AOPEP: variants seen among roughly 807,000 people sequenced by gnomAD.
AOPEP encodes the protein aminopeptidase O (putative).
A neutral mutation model predicts 98.1 loss-of-function variants in AOPEP; 77 were observed. The ratio of observed to expected loss-of-function variants is 0.78; its 90% confidence interval spans 0.65 to 0.95. The LOEUF (loss-of-function observed/expected upper bound fraction) is 0.95, where lower values mean the gene tolerates loss of function less well. AOPEP is among the 40% of genes least tolerant of loss of function. The pLI is 0.00. For missense variants in AOPEP, 1,024 were observed against 1,024.7 expected (o/e 1.00, Z 0.01); for synonymous variants, 346 against 365.3 (o/e 0.95, Z 0.60).
At chr9:95,106,725 T>C in the AOPEP span, among the ~76,000 whole-genome samples, 59 of 152,348 alleles carry the variant, frequency 3.9e-4, no homozygotes, top group African/African-American at 1.4e-3. Context: ...GTGGCCTTAC[T>C]TCTTTCCATG....
chr9:95,110,572 T>G, the AOPEP span: 4 of 1,034,246 alleles, frequency 3.9e-6, no homozygotes, highest in East Asian at 2.4e-4. Flanking sequence ...TTTCAACTTT[T>G]TAAAATCTAA....
At chr9:94,971,762 A>G (rs2059550614) in intron 10 of AOPEP, among the ~76,000 whole-genome samples, 1 of 152,204 alleles carries the variant, frequency 6.6e-6, no homozygotes, top group Non-Finnish European at 1.5e-5. Context: ...TGGGGAACCT[A>G]GAGGAATAAA....
chr9:94,890,211 GTT>G, intron 5 of AOPEP, among the ~76,000 whole-genome samples: 1 of 145,080 alleles, frequency 6.9e-6, no homozygotes, highest in African/African-American at 2.5e-5. Context: ...TGGTTTTTTT[GTT>G]TTTTTTTGAA....
intron 11 of AOPEP, among the ~76,000 whole-genome samples, chr9:94,998,683 G>A (rs12555829): frequency 0.049 from 7,520 of 152,252 alleles, 316 homozygotes; most frequent in African/African-American, 0.11. Context: ...GTATTACTGC[G>A]TTGTCACAGG....
chr9:94,748,810 A>C (rs1234492722), intron 1 of AOPEP, among the ~76,000 whole-genome samples: 1 of 152,180 alleles, frequency 6.6e-6, no homozygotes, highest in East Asian at 1.9e-4. Context: ...GCTTACACTG[A>C]AGTTTCAGGA....
At chr9:95,096,460 G>A in the AOPEP span, among the ~76,000 whole-genome samples, 2 of 152,138 alleles carry the variant, frequency 1.3e-5, no homozygotes, top group African/African-American at 4.8e-5. Context: ...GAGCAGGTGG[G>A]CCCACCTGGG....
downstream of AOPEP, among the ~76,000 whole-genome samples, chr9:95,091,155 T>G (rs1405257338): frequency 6.6e-6 from 1 of 152,198 alleles, no homozygotes; most frequent in East Asian, 1.9e-4. Flanking sequence ...ACAGTTTGTT[T>G]AGAGTTTCAA....
chr9:95,006,505 C>A (rs1482385512), intron 13 of AOPEP, among the ~76,000 whole-genome samples: 8 of 152,084 alleles, frequency 5.3e-5, no homozygotes, highest in Non-Finnish European at 8.8e-5. Flanking sequence ...AGAATGTGCA[C>A]AAAGCACATC....
intron 7 of AOPEP, among the ~76,000 whole-genome samples, chr9:94,934,261 T>C: frequency 7.3e-6 from 1 of 137,052 alleles, no homozygotes; most frequent in Non-Finnish European, 1.6e-5. Context: ...CCACCCTCCC[T>C]CCCTTCCCTC....
chr9:94,958,747 G>C (rs1355320072), intron 9 of AOPEP, among the ~76,000 whole-genome samples: 2 of 152,104 alleles, frequency 1.3e-5, no homozygotes, highest in African/African-American at 2.4e-5. Context: ...TTATTATTGA[G>C]TTTTAAGACT....
At chr9:95,037,307 A>G (rs1355868290) in intron 13 of AOPEP, among the ~76,000 whole-genome samples, 1 of 152,028 alleles carries the variant, frequency 6.6e-6, no homozygotes. Context: ...GTCATTCTTT[A>G]TTTCAGCCAG....
chr9:95,008,869 C>G (rs1484089137), intron 13 of AOPEP, among the ~76,000 whole-genome samples: 1 of 152,000 alleles, frequency 6.6e-6, no homozygotes, highest in Non-Finnish European at 1.5e-5. Context: ...ATATTTTAGC[C>G]CTTGTTCTCC....
rs917195197 is a variant in AOPEP, at chr9:94,832,082, A to G, written c.1364+31080A>G. On this transcript the variant is annotated intron_variant, in intron 5 of 16. Transcript: ENST00000375315. ...ACTTCTGGTTTTAAAACCCAGAACC[A>G]ATAGAAGGAAAGATTGATATATTAG... Among the ~76,000 whole-genome samples, 5 of 152,310 alleles carry G rather than the reference A, an allele frequency of 3.3e-5. No homozygotes were observed. The South Asian group carries it at 8.3e-4, about 25-fold the overall frequency.
intron 5 of AOPEP, among the ~76,000 whole-genome samples, chr9:94,903,421 G>A (rs2050689964): frequency 6.6e-6 from 1 of 152,008 alleles, no homozygotes; most frequent in Non-Finnish European, 1.5e-5. Context: ...TGTGATAGCA[G>A]GTGTCATCCT....
intron 11 of AOPEP, among the ~76,000 whole-genome samples, chr9:94,981,527 GC>G (rs1353063327): frequency 6.6e-6 from 1 of 152,160 alleles, no homozygotes; most frequent in Non-Finnish European, 1.5e-5. Flanking sequence ...TGGTGTCTTT[GC>G]GTCTCTTCTA....
chr9:94,749,135 A>T (rs1835139022), intron 1 of AOPEP, among the ~76,000 whole-genome samples: 1 of 152,238 alleles, frequency 6.6e-6, no homozygotes, highest in African/African-American at 2.4e-5. Context: ...AAATTTATTT[A>T]TTCAATTTAA....
At chr9:94,771,261 T>A (rs908808468) in intron 2 of AOPEP, among the ~76,000 whole-genome samples, 1 of 152,182 alleles carries the variant, frequency 6.6e-6, no homozygotes. Flanking sequence ...CTATGCAAAT[T>A]AGGTGCTTAT....
rs936854705 is a variant in AOPEP at position 95,061,021 on chromosome 9, T to C, written c.2232+211T>C. 6.4e-4 allele frequency: 296 copies of C among 465,268 alleles called. 3 individuals are homozygous for C. The East Asian group carries it at 0.011, about 17-fold the overall frequency. The allele number at this position is 465,268 out of a possible 1,614,324, so 28.8% of individuals were successfully genotyped here. ...TGAGGTCTTAAGTTTTTCCCTCTTC[T>C]TAAATCATAAAGATGGACATAAGTC... On this transcript the variant is annotated intron_variant, in intron 14 of 16. Transcript: ENST00000375315.
At chr9:95,100,949 A>C in the AOPEP span, 6 of 233,142 alleles carry the variant, frequency 2.6e-5, no homozygotes, top group African/African-American at 1.3e-4. Context: ...CTTTATCAGG[A>C]ATTTCCAATT....
Sources: allele counts gnomAD v4.1 joint callset (sites outside exome capture counted in the v4.1 genomes callset), GRCh38; gene constraint gnomAD v4.1.1; transcripts MANE v1.5; gene names NCBI Gene and HGNC (gene_info 2026-07-23, HGNC 2026-07-21).